The following LINC00305 variants were observed in gnomAD, a reference collection of about 807,000 sequenced individuals.
LINC00305 encodes long intergenic non-protein coding RNA 305.
intron 3 of LINC00305, among the ~76,000 whole-genome samples, chr18:64,082,216 T>C (rs1277247086): frequency 6.6e-6 from 1 of 152,106 alleles, no homozygotes; most frequent in East Asian, 1.9e-4. Flanking sequence ...GACTTTTTTT[T>C]CAGATCCTGC....
At chr18:64,095,736 G>A (rs2051242579) in intron 3 of LINC00305, among the ~76,000 whole-genome samples, 1 of 152,080 alleles carries the variant, frequency 6.6e-6, no homozygotes, top group South Asian at 2.1e-4. Flanking sequence ...AGATCAGAGA[G>A]AAATAGCAGA....
intron 1 of LINC00305, among the ~76,000 whole-genome samples, chr18:64,126,277 T>C (rs565322775): frequency 3.9e-5 from 6 of 152,198 alleles, no homozygotes; most frequent in African/African-American, 7.2e-5. Flanking sequence ...TTCTAGATGA[T>C]AGCATTATAA....
chr18:64,113,156 C>A (rs1442486398), intron 1 of LINC00305, among the ~76,000 whole-genome samples: 1 of 152,214 alleles, frequency 6.6e-6, no homozygotes, highest in Non-Finnish European at 1.5e-5. Context: ...ACTCCCTACA[C>A]TAGGCAGAGG....
chr18:64,138,584 T>C (rs2051446054), intron 1 of LINC00305, among the ~76,000 whole-genome samples: 1 of 152,196 alleles, frequency 6.6e-6, no homozygotes, highest in African/African-American at 2.4e-5. Flanking sequence ...ATTTCTTTTC[T>C]GATGAGATTT....
At chr18:64,138,122 T>C (rs1472923562) in intron 1 of LINC00305, among the ~76,000 whole-genome samples, 2 of 152,170 alleles carry the variant, frequency 1.3e-5, no homozygotes. Context: ...TCCAGGATGC[T>C]ATTATTAGCT....
At chr18:64,098,588 C>A in exon 2 of LINC00305, 2 of 448,262 alleles carry the variant, frequency 4.5e-6, no homozygotes, top group East Asian at 7.0e-5. Context: ...ATGTATAATG[C>A]ACAGTCTATG....
chr18:64,148,287 G>T (rs2051507785), intron 1 of LINC00305, among the ~76,000 whole-genome samples: 2 of 152,088 alleles, frequency 1.3e-5, no homozygotes, highest in African/African-American at 4.8e-5. Context: ...GTGACCAGAA[G>T]AAATTTCTTC....
chr18:64,105,016 AC>A (rs532031768), intron 1 of LINC00305, among the ~76,000 whole-genome samples: 1 of 142,372 alleles, frequency 7.0e-6, no homozygotes, highest in African/African-American at 2.7e-5. Flanking sequence ...TTCAGCACCC[AC>A]CCCCCAGCTC....
At chr18:64,143,267 A>T (rs1265636387) in intron 1 of LINC00305, among the ~76,000 whole-genome samples, 3 of 152,114 alleles carry the variant, frequency 2.0e-5, no homozygotes, top group African/African-American at 7.2e-5. Context: ...ATCTGGATGG[A>T]TTGTAAGAGG....
chr18:64,114,742 T>A (rs769346437), intron 1 of LINC00305, among the ~76,000 whole-genome samples: 1 of 152,088 alleles, frequency 6.6e-6, no homozygotes, highest in Non-Finnish European at 1.5e-5. Flanking sequence ...AGAGATGGAG[T>A]TTTGCCATGT....
intron 1 of LINC00305, among the ~76,000 whole-genome samples, chr18:64,128,433 C>T (rs2144265770): frequency 6.6e-6 from 1 of 152,216 alleles, no homozygotes; most frequent in East Asian, 1.9e-4. Context: ...AAAACCTTTA[C>T]CTACTGCAAG....
chr18:64,097,789 A>G (rs1232192313), intron 3 of LINC00305: 3 of 444,822 alleles, frequency 6.7e-6, no homozygotes, highest in Non-Finnish European at 1.4e-5. Context: ...ACATTCCTTT[A>G]TAATAACTTA....
chr18:64,113,889 A>C (rs904800860), intron 1 of LINC00305, among the ~76,000 whole-genome samples: 1 of 152,196 alleles, frequency 6.6e-6, no homozygotes, highest in Non-Finnish European at 1.5e-5. Context: ...AATTCTCTCA[A>C]ATATCCATTT....
At chr18:64,106,613 TC>T (rs2051291954) in intron 1 of LINC00305, among the ~76,000 whole-genome samples, 2 of 152,128 alleles carry the variant, frequency 1.3e-5, no homozygotes, top group Admixed American at 6.5e-5. Flanking sequence ...CACTAATTTG[TC>T]ATTTGAATCA....
At chr18:64,111,623 T>G (rs1215375948) in intron 1 of LINC00305, among the ~76,000 whole-genome samples, 1 of 133,224 alleles carries the variant, frequency 7.5e-6, no homozygotes, top group Non-Finnish European at 1.6e-5. Context: ...TGTCTTAACC[T>G]CTAGCCCTGT....
chr18:64,137,847 T>TAC (rs34096602), intron 1 of LINC00305, among the ~76,000 whole-genome samples: 9,781 of 148,532 alleles, frequency 0.066, 341 homozygotes, highest in Non-Finnish European at 0.073. Context: ...TACACACACA[T>TAC]ACACACACAC....
In LINC00305 at chr18:64,110,992, T is replaced by C. The variant is rs1355305644; in HGVS notation, n.315-12352A>G. Among the ~76,000 whole-genome samples the C allele has an allele frequency of 2.0e-5, 3 of 152,188 alleles. No individual in the cohort carries two copies. In the East Asian group the frequency reaches 5.8e-4, roughly 29 times the overall value. On this transcript the variant is annotated intron_variant and non_coding_transcript_variant, in intron 1 of 3. Coordinates refer to ENST00000666468, the Ensembl canonical transcript of LINC00305. ...CTACATCCTGATTAGTGCTTCAGAA[T>C]CTCTGTGTGGTGCTTTCTGAGAACA...
chr18:64,143,482 G>GAT (rs1405098175), intron 1 of LINC00305, among the ~76,000 whole-genome samples: 4 of 41,794 alleles, frequency 9.6e-5, no homozygotes, highest in Non-Finnish European at 1.8e-4. Context: ...AAGCATTGAT[G>GAT]GTGTGTGTGT....
At chr18:64,080,629 A>T (rs555677459) in intron 3 of LINC00305, among the ~76,000 whole-genome samples, 1 of 152,306 alleles carries the variant, frequency 6.6e-6, no homozygotes. Context: ...CTAGAAAATA[A>T]TTTTAAGTAC....
Sources: gnomAD v4.1 joint callset for allele counts (sites outside exome capture counted in the v4.1 genomes callset) on GRCh38, gnomAD v4.1.1 for gene constraint, MANE v1.5 for transcripts, NCBI Gene and HGNC (gene_info 2026-07-23, HGNC 2026-07-21) for gene names.